The following TPTE variants were observed in gnomAD, a reference collection of about 807,000 sequenced individuals.
TPTE encodes the protein putative tyrosine-protein phosphatase TPTE.
A neutral mutation model predicts 84.1 loss-of-function variants in TPTE; 59 were observed. That is an observed-to-expected ratio of 0.70 (90% confidence interval 0.57 to 0.87). TPTE has a LOEUF of 0.87. Ranked by LOEUF, TPTE falls within the 40% of genes least tolerant of loss-of-function variation. The pLI is 0.00. For missense variants in TPTE, 382 were observed against 659.6 expected (o/e 0.58, Z 4.61); for synonymous variants, 130 against 223.5 (o/e 0.58, Z 3.73).
At chr21:10,550,768 C>T (rs928626100) in intron 7 of TPTE, among the ~76,000 whole-genome samples, 2 of 152,310 alleles carry the variant, frequency 1.3e-5, no homozygotes, top group African/African-American at 2.4e-5. Flanking sequence ...CAAACATGTA[C>T]AGAACATCTC....
At chr21:10,535,257 G>A (rs1339882937) in intron 3 of TPTE, among the ~76,000 whole-genome samples, 27 of 152,290 alleles carry the variant, frequency 1.8e-4, no homozygotes, top group Admixed American at 1.8e-3. Flanking sequence ...CTATGATAGA[G>A]CCACCCATGA....
At chr21:10,543,972 C>A (rs1324888173) in intron 7 of TPTE, among the ~76,000 whole-genome samples, 1 of 152,306 alleles carries the variant, frequency 6.6e-6, no homozygotes, top group Admixed American at 6.5e-5. Context: ...AAACCCACCA[C>A]CTCATTGGAT....
intron 3 of TPTE, among the ~76,000 whole-genome samples, chr21:10,535,203 T>A (rs1395623020): frequency 6.6e-6 from 1 of 152,302 alleles, no homozygotes; most frequent in African/African-American, 2.4e-5. Flanking sequence ...TAATATGCTT[T>A]TATAATTCCC....
chr21:10,597,412 CTTTTTT>C (rs146272836), intron 20 of TPTE, among the ~76,000 whole-genome samples: 3 of 139,920 alleles, frequency 2.1e-5, no homozygotes, highest in African/African-American at 7.7e-5. Flanking sequence ...TTTCTTTTTT[CTTTTTT>C]TTTTTTTTTT....
At chr21:10,538,416 G>C (rs1458448861) in intron 3 of TPTE, among the ~76,000 whole-genome samples, 1 of 152,308 alleles carries the variant, frequency 6.6e-6, no homozygotes, top group Non-Finnish European at 1.5e-5. Context: ...CACAAAGGCT[G>C]TCACGCATTG....
intron 17 of TPTE, among the ~76,000 whole-genome samples, chr21:10,580,608 C>T (rs2075254810): frequency 6.6e-6 from 1 of 152,310 alleles, no homozygotes; most frequent in African/African-American, 2.4e-5. Flanking sequence ...AAGAGACTGT[C>T]CTTTCCTCAT....
At chr21:10,593,819 G>A (rs2075530881) in intron 19 of TPTE, among the ~76,000 whole-genome samples, 1 of 152,308 alleles carries the variant, frequency 6.6e-6, no homozygotes, top group Non-Finnish European at 1.5e-5. Flanking sequence ...GGATTTGGAT[G>A]TGGCTGTAAA....
chr21:10,552,086 A>T (rs1334550766), intron 7 of TPTE, among the ~76,000 whole-genome samples: 1 of 152,304 alleles, frequency 6.6e-6, no homozygotes, highest in Non-Finnish European at 1.5e-5. Context: ...AGCCATGAAC[A>T]TGGAGGCAAC....
intron 19 of TPTE, among the ~76,000 whole-genome samples, chr21:10,593,748 A>AT (rs1320848571): frequency 6.6e-6 from 1 of 152,308 alleles, no homozygotes; most frequent in Non-Finnish European, 1.5e-5. Context: ...CTTGTCATTT[A>AT]TATTGCCTTT....
intron 10 of TPTE, among the ~76,000 whole-genome samples, chr21:10,565,386 G>A (rs1379399909): frequency 2.0e-4 from 30 of 152,302 alleles, no homozygotes; most frequent in Admixed American, 2.0e-4. Context: ...GAGATTCCAT[G>A]TTCATGGATT....
At chr21:10,571,594 A>T (rs2075044339) in intron 14 of TPTE, among the ~76,000 whole-genome samples, 1 of 152,312 alleles carries the variant, frequency 6.6e-6, no homozygotes, top group African/African-American at 2.4e-5. Flanking sequence ...ATTCAGATAG[A>T]CAAATCAATG....
chr21:10,534,203 C>T (rs1325453054), intron 3 of TPTE, among the ~76,000 whole-genome samples: 2 of 152,312 alleles, frequency 1.3e-5, no homozygotes, highest in Non-Finnish European at 2.9e-5. Flanking sequence ...CACCTTGAAG[C>T]TCCTGAACAA....
chr21:10,576,838 C>CATACATAT (rs1555815358), intron 14 of TPTE, among the ~76,000 whole-genome samples: 5 of 135,966 alleles, frequency 3.7e-5, no homozygotes, highest in Non-Finnish European at 6.6e-5. Flanking sequence ...TACATATATA[C>CATACATAT]ATATATATAT....
At chr21:10,573,342 CA>C (rs1223556478) in intron 14 of TPTE, among the ~76,000 whole-genome samples, 4 of 152,304 alleles carry the variant, frequency 2.6e-5, no homozygotes, top group Admixed American at 6.5e-5. Flanking sequence ...CTCAGATAAA[CA>C]AGGCAAATAT....
chr21:10,572,503 T>C (rs1192513137), intron 14 of TPTE, among the ~76,000 whole-genome samples: 1 of 146,146 alleles, frequency 6.8e-6, no homozygotes, highest in African/African-American at 2.5e-5. Flanking sequence ...GAAAAAAGCA[T>C]CAAGTCACAT....
At chr21:10,536,274 TAAAA>T (rs914421441) in intron 3 of TPTE, among the ~76,000 whole-genome samples, 7 of 152,284 alleles carry the variant, frequency 4.6e-5, no homozygotes, top group African/African-American at 1.7e-4. Flanking sequence ...AGACTCCGCC[TAAAA>T]AAAAGGATAC....
At chr21:10,530,656 TTGAG>T (rs2074161867) in intron 3 of TPTE, among the ~76,000 whole-genome samples, 1 of 152,286 alleles carries the variant, frequency 6.6e-6, no homozygotes, top group Non-Finnish European at 1.5e-5. Flanking sequence ...ATAGACCTGT[TTGAG>T]TATTTCTGTA....
chr21:10,570,042 A>T (rs557588770), intron 13 of TPTE, among the ~76,000 whole-genome samples: 7 of 152,426 alleles, frequency 4.6e-5, no homozygotes, highest in African/African-American at 1.2e-4. Context: ...CAGGGATCCC[A>T]TGGAGACCTC....
At chr21:10,532,921 T>A (rs1356767837) in intron 3 of TPTE, among the ~76,000 whole-genome samples, 1 of 152,308 alleles carries the variant, frequency 6.6e-6, no homozygotes, top group Non-Finnish European at 1.5e-5. Flanking sequence ...CCCTCATAGG[T>A]CTTTTGCTGT....
Sources: gnomAD v4.1 joint callset for allele counts (sites outside exome capture counted in the v4.1 genomes callset) on GRCh38, gnomAD v4.1.1 for gene constraint, MANE v1.5 for transcripts, NCBI Gene and HGNC (gene_info 2026-07-23, HGNC 2026-07-21) for gene names.